The following CHRM2 variants were observed in gnomAD, a reference collection of about 807,000 sequenced individuals.
CHRM2 encodes the protein cholinergic receptor muscarinic 2.
Under a neutral mutation model 25.0 loss-of-function variants are expected in CHRM2, and 8 were observed. The observed-to-expected ratio is 0.32, with a 90% CI of 0.19 to 0.58. The LOEUF (loss-of-function observed/expected upper bound fraction) is 0.58. Among genes scored for constraint, CHRM2 ranks in the 20% least tolerant of loss-of-function variants. The probability of loss-of-function intolerance (pLI) is 0.88; values close to 1 mark genes in which losing one functional copy is unlikely to be tolerated. For missense variants in CHRM2, 440 were observed against 567.1 expected (o/e 0.78, Z 2.28); for synonymous variants, 202 against 205.7 (o/e 0.98, Z 0.15).
intron 2 of CHRM2, among the ~76,000 whole-genome samples, chr7:136,872,383 G>T (rs1472305375): frequency 6.6e-6 from 1 of 152,306 alleles, no homozygotes; most frequent in African/African-American, 2.4e-5. Flanking sequence ...TTTGGAGTGA[G>T]TTCCCATGGT....
chr7:136,973,712 A>C (rs913429326), intron 2 of CHRM2, among the ~76,000 whole-genome samples: 4 of 151,824 alleles, frequency 2.6e-5, no homozygotes, highest in African/African-American at 7.3e-5. Flanking sequence ...TGATGATGGC[A>C]GGGATGATGG....
chr7:137,006,769 C>T (rs1424499086), intron 3 of CHRM2, among the ~76,000 whole-genome samples: 1 of 151,742 alleles, frequency 6.6e-6, no homozygotes, highest in Non-Finnish European at 1.5e-5. Flanking sequence ...TCCCCCAAAA[C>T]GTTGTACATA....
intron 2 of CHRM2, among the ~76,000 whole-genome samples, chr7:136,937,400 GT>G (rs371072765): frequency 0.014 from 2,125 of 151,800 alleles, 41 homozygotes; most frequent in African/African-American, 0.047. Flanking sequence ...TTTTTCCTCA[GT>G]TTTTTTTGAA....
intron 2 of CHRM2, among the ~76,000 whole-genome samples, chr7:136,888,219 A>G (rs1279468843): frequency 6.6e-6 from 1 of 152,214 alleles, no homozygotes; most frequent in Admixed American, 6.5e-5. Context: ...AGCTTAGTCC[A>G]TGGACCCCTA....
intron 3 of CHRM2, among the ~76,000 whole-genome samples, chr7:136,994,111 G>T (rs1226242367): frequency 6.6e-6 from 1 of 152,104 alleles, no homozygotes; most frequent in African/African-American, 2.4e-5. Flanking sequence ...CTCTCTGATT[G>T]TACCTGCTCT....
chr7:136,954,770 C>A (rs6943950), intron 2 of CHRM2, among the ~76,000 whole-genome samples: 102,597 of 151,760 alleles, frequency 0.68, 35,472 homozygotes, highest in African/African-American at 0.78. Flanking sequence ...CTTCCATCCT[C>A]GTAGCTGCCA....
chr7:136,922,947 T>C (rs1798532886), intron 2 of CHRM2, among the ~76,000 whole-genome samples: 1 of 152,214 alleles, frequency 6.6e-6, no homozygotes, highest in Non-Finnish European at 1.5e-5. Context: ...AGTATCAATG[T>C]ACTTATCTAT....
rs1208911001 is a variant in CHRM2, at chr7:136,939,010, A to AGGCAGGAT, written c.-124-53176_-124-53169dup. On this transcript the variant is annotated intron_variant, in intron 2 of 3. Coordinates refer to ENST00000680005, the MANE Select transcript of CHRM2 (RefSeq NM_001006630.2). ...ACATTAATATAATTCCAATTCTAAGAGGCAGGATAACTAGAGATTACTTTA... is the reference window on the plus strand; with the variant it reads ...ACATTAATATAATTCCAATTCTAAGAGGCAGGATGGCAGGATAACTAGAGATTACTTTA... 2.0e-5 allele frequency among the ~76,000 whole-genome samples: 3 copies of AGGCAGGAT among 146,374 alleles called. No individual in the cohort carries two copies. In the East Asian group the frequency reaches 6.5e-4, roughly 32 times the overall value.
chr7:137,014,323 A>C (rs186817388), intron 3 of CHRM2, among the ~76,000 whole-genome samples: 1 of 152,130 alleles, frequency 6.6e-6, no homozygotes, highest in Non-Finnish European at 1.5e-5. Flanking sequence ...AAAAAGGCTT[A>C]GAGCTTCCAT....
intron 2 of CHRM2, among the ~76,000 whole-genome samples, chr7:136,974,225 C>T (rs1434767212): frequency 6.6e-6 from 1 of 152,052 alleles, no homozygotes; most frequent in Non-Finnish European, 1.5e-5. Context: ...ATCATTGTTT[C>T]CAGGTTGGTA....
chr7:136,878,354 T>C (rs2130489241), intron 2 of CHRM2, among the ~76,000 whole-genome samples: 1 of 152,078 alleles, frequency 6.6e-6, no homozygotes, highest in Admixed American at 6.6e-5. Context: ...ATAAAGACTT[T>C]ATTTTTCTTT....
intron 2 of CHRM2, among the ~76,000 whole-genome samples, chr7:136,929,051 T>C (rs1426259812): frequency 6.6e-6 from 1 of 152,168 alleles, no homozygotes; most frequent in Admixed American, 6.5e-5. Context: ...TTAGGTTCTA[T>C]TGTGTGCAGA....
intron 2 of CHRM2, among the ~76,000 whole-genome samples, chr7:136,895,140 CT>C (rs970680822): frequency 1.3e-5 from 2 of 152,020 alleles, no homozygotes; most frequent in African/African-American, 4.8e-5. Context: ...ATTTTTAATG[CT>C]TTATAGTTAT....
chr7:136,902,870 C>G (rs1797306692), intron 2 of CHRM2: 1 of 312,772 alleles, frequency 3.2e-6, no homozygotes, highest in African/African-American at 2.2e-5. Context: ...CTGCAGAGCA[C>G]AGAATTTTGT....
chr7:136,939,820 T>TA (rs778297933), intron 2 of CHRM2, among the ~76,000 whole-genome samples: 18 of 152,236 alleles, frequency 1.2e-4, no homozygotes, highest in Non-Finnish European at 1.8e-4. Context: ...AGTATGCTTG[T>TA]AATGAAAATT....
intron 2 of CHRM2, among the ~76,000 whole-genome samples, chr7:136,912,792 T>C (rs997357038): frequency 7.2e-5 from 11 of 152,088 alleles, no homozygotes; most frequent in Middle Eastern, 3.4e-3. Context: ...ACAAAGCTGC[T>C]ATTTGATTTT....
At chr7:136,979,608 G>C (rs1378942315) in intron 2 of CHRM2, among the ~76,000 whole-genome samples, 1 of 152,114 alleles carries the variant, frequency 6.6e-6, no homozygotes, top group African/African-American at 2.4e-5. Flanking sequence ...AATCCATCTT[G>C]AGTTAATTTT....
intron 2 of CHRM2, among the ~76,000 whole-genome samples, chr7:136,888,834 C>G (rs993962214): frequency 1.3e-5 from 2 of 151,988 alleles, no homozygotes; most frequent in African/African-American, 4.8e-5. Flanking sequence ...ATCACGAAGT[C>G]AGGAGATCGA....
intron 2 of CHRM2, among the ~76,000 whole-genome samples, chr7:136,885,685 C>G (rs573681724): frequency 7.2e-5 from 11 of 152,304 alleles, no homozygotes; most frequent in African/African-American, 2.4e-4. Context: ...CCTTTACAGT[C>G]TGTCCTGAGA....
Sources: gnomAD v4.1 joint callset for allele counts (sites outside exome capture counted in the v4.1 genomes callset) on GRCh38, gnomAD v4.1.1 for gene constraint, MANE v1.5 for transcripts, NCBI Gene and HGNC (gene_info 2026-07-23, HGNC 2026-07-21) for gene names.